SPON1: variants seen among roughly 807,000 people sequenced by gnomAD.
SPON1 encodes the protein spondin-1.
In SPON1, 52 loss-of-function variants were observed where a neutral mutation model predicts 111.7. The ratio of observed to expected loss-of-function variants is 0.47; its 90% CI spans 0.37 to 0.59. The LOEUF (loss-of-function observed/expected upper bound fraction) is 0.59. Ranked by LOEUF, SPON1 falls within the 20% of genes least tolerant of loss-of-function variation. The probability of loss-of-function intolerance (pLI) is 0.00; values close to 1 mark genes in which losing one functional copy is unlikely to be tolerated. For synonymous variants in SPON1, 410 were observed against 395.8 expected (o/e 1.04, Z -0.43); for missense variants, 957 against 1,068.5 (o/e 0.90, Z 1.46).
chr11:14,264,387 CTTAACTTCAGA>C (rs1849237129), intron 15 of SPON1, among the ~76,000 whole-genome samples: 1 of 152,204 alleles, frequency 6.6e-6, no homozygotes. Flanking sequence ...CAAACTCCAG[CTTAACTTCAGA>C]GTTCCAGGAC....
At chr11:13,979,254 G>T (rs1181692372) in intron 1 of SPON1, among the ~76,000 whole-genome samples, 3 of 152,040 alleles carry the variant, frequency 2.0e-5, no homozygotes, top group Non-Finnish European at 2.9e-5. Flanking sequence ...TCATCTCGTG[G>T]CATTCTTCCC....
chr11:14,071,582 C>T (rs1343055848), intron 3 of SPON1, among the ~76,000 whole-genome samples: 1 of 152,166 alleles, frequency 6.6e-6, no homozygotes, highest in Non-Finnish European at 1.5e-5. Context: ...GTTCCTTCTC[C>T]TAGAACATTG....
At chr11:14,179,818 G>T (rs1554933535) in intron 6 of SPON1, among the ~76,000 whole-genome samples, 1 of 151,992 alleles carries the variant, frequency 6.6e-6, no homozygotes, top group Non-Finnish European at 1.5e-5. Context: ...TCTCCTTTAT[G>T]ATGCTAATTG....
At position 14,259,498 on chromosome 11, in the gene SPON1, C is replaced by T. The variant is rs782003471; in HGVS notation, c.1664-36C>T. On this transcript the variant is annotated intron_variant, in intron 12 of 15. Coordinates refer to ENST00000576479, the MANE Select transcript of SPON1 (RefSeq NM_006108.4). This position sits in a 1 kb window ranked among gnomAD's most constrained non-coding sequence, Gnocchi z 5.0. ...CAGGCGGGCAAGTAGGTCGGGGAGG[C>T]AGCAGGTGCGACTCCAATGCCGCTG... 4.8e-5 allele frequency: 75 copies of T among 1,571,652 alleles called. No homozygotes were observed. Among genetic ancestry groups the T allele is most frequent in the Non-Finnish European group, 6.4e-5 (74 of 1,158,722 alleles).
At chr11:14,024,551 G>A (rs1252126880) in intron 2 of SPON1, among the ~76,000 whole-genome samples, 4 of 152,128 alleles carry the variant, frequency 2.6e-5, no homozygotes, top group Non-Finnish European at 4.4e-5. Flanking sequence ...TTCCACCATC[G>A]CTGGTCTGCC....
At chr11:14,047,412 A>G (rs1367992868) in intron 3 of SPON1, among the ~76,000 whole-genome samples, 1 of 152,208 alleles carries the variant, frequency 6.6e-6, no homozygotes, top group Non-Finnish European at 1.5e-5. Flanking sequence ...GTGTAAGAGT[A>G]AGGCAAGAAG....
At chr11:14,059,815 G>A (rs1270738507) in intron 3 of SPON1, among the ~76,000 whole-genome samples, 1 of 152,152 alleles carries the variant, frequency 6.6e-6, no homozygotes, top group Non-Finnish European at 1.5e-5. Flanking sequence ...TTCCTCTGCA[G>A]CCAGGAAAAA....
At chr11:14,151,197 GT>G (rs1847784083) in intron 6 of SPON1, among the ~76,000 whole-genome samples, 1 of 152,152 alleles carries the variant, frequency 6.6e-6, no homozygotes, top group Non-Finnish European at 1.5e-5. Flanking sequence ...TTTCAGCTCT[GT>G]TATCCTGAAG....
rs371943729 is a variant in SPON1 at position 14,253,168 on chromosome 11, GTTC to G, written c.891-1355_891-1353del. On this transcript the variant is annotated intron_variant, in intron 7 of 15. Coordinates refer to ENST00000576479, the MANE Select transcript of SPON1 (RefSeq NM_006108.4). Reference sequence around the variant, plus strand: ...ATGCCAAAGCCAAGGCTCAGGCCAGGTTCTTCTCCACTCCTGTGGCAGAACCTA... The same window carrying G: ...ATGCCAAAGCCAAGGCTCAGGCCAGGTTCTCCACTCCTGTGGCAGAACCTA... Among the ~76,000 whole-genome samples, 664 of 152,316 alleles carry G rather than the reference GTTC, an allele frequency of 4.4e-3. 5 individuals carry two copies. Among genetic ancestry groups the G allele is most frequent in the African/African-American group, 0.015 (630 of 41,570 alleles).
intron 5 of SPON1, among the ~76,000 whole-genome samples, chr11:14,122,433 A>G (rs1159449932): frequency 1.3e-5 from 2 of 152,296 alleles, no homozygotes; most frequent in South Asian, 2.1e-4. Context: ...TCAGCCTCCC[A>G]AAGTGCTGGG....
At chr11:14,111,533 A>C (rs1849226860) in intron 5 of SPON1, among the ~76,000 whole-genome samples, 1 of 152,242 alleles carries the variant, frequency 6.6e-6, no homozygotes, top group Non-Finnish European at 1.5e-5. Context: ...CAATCTAATA[A>C]GGTTACTCAG....
chr11:14,147,764 T>TTTTTTTA (rs1847739929), intron 6 of SPON1, among the ~76,000 whole-genome samples: 5 of 149,310 alleles, frequency 3.3e-5, no homozygotes, highest in East Asian at 2.0e-4. Flanking sequence ...TTTTTTTTTT[T>TTTTTTTA]GAGAGGAGTC....
intron 1 of SPON1, among the ~76,000 whole-genome samples, chr11:13,970,372 T>C (rs1848053112): frequency 6.6e-6 from 1 of 152,318 alleles, no homozygotes; most frequent in East Asian, 1.9e-4. Context: ...CATCCACTGA[T>C]TTTCTTGAGG....
intron 7 of SPON1, among the ~76,000 whole-genome samples, chr11:14,254,098 C>T (rs374033885): frequency 1.3e-5 from 2 of 152,156 alleles, no homozygotes; most frequent in Non-Finnish European, 2.9e-5. Context: ...TACAGTCTGG[C>T]GCTGGACAGT....
At chr11:14,247,575 A>ATGG (rs1375106620) in intron 7 of SPON1, among the ~76,000 whole-genome samples, 1 of 152,134 alleles carries the variant, frequency 6.6e-6, no homozygotes, top group Non-Finnish European at 1.5e-5. Context: ...CTTCACTAGG[A>ATGG]TGGTGGTGGT....
intron 6 of SPON1, among the ~76,000 whole-genome samples, chr11:14,235,648 C>T (rs373069379): frequency 2.2e-5 from 3 of 133,886 alleles, no homozygotes; most frequent in East Asian, 2.2e-4. Flanking sequence ...CCCTGTACTC[C>T]AGCCTAGGCA....
chr11:14,190,369 T>C (rs1243483940), intron 6 of SPON1, among the ~76,000 whole-genome samples: 2 of 152,252 alleles, frequency 1.3e-5, no homozygotes, highest in African/African-American at 2.4e-5. Flanking sequence ...TCAATATTTA[T>C]TCAGCACCTA....
intron 3 of SPON1, among the ~76,000 whole-genome samples, chr11:14,050,077 G>A (rs1246296861): frequency 6.6e-6 from 1 of 152,162 alleles, no homozygotes; most frequent in African/African-American, 2.4e-5. Flanking sequence ...TTAAAAAGAA[G>A]CAACTCATTT....
intron 6 of SPON1, among the ~76,000 whole-genome samples, chr11:14,200,814 TAAAAAAAAAAAA>T (rs572814576): frequency 0.12 from 9,506 of 79,754 alleles, 659 homozygotes; most frequent in Middle Eastern, 0.21. Context: ...GACCCTGTCT[TAAAAAAAAAAAA>T]AAAAAAAAAA....
Sources: gnomAD v4.1 joint callset for allele counts (sites outside exome capture counted in the v4.1 genomes callset) on GRCh38, gnomAD v4.1.1 for gene constraint, Gnocchi (gnomAD v3.1) non-coding constraint, MANE v1.5 for transcripts, NCBI Gene and HGNC (gene_info 2026-07-23, HGNC 2026-07-21) for gene names.